Variants in FOCAD observed in about 807,000 individuals in gnomAD.
The protein encoded by FOCAD is KIAA1797.
FOCAD carries 198 observed loss-of-function variants against 225.6 expected under a neutral mutation model. The observed-to-expected ratio is 0.88, with a 90% CI of 0.78 to 0.99. The LOEUF is 0.99. Ranked by LOEUF, FOCAD falls within the 50% of genes least tolerant of loss-of-function variation. FOCAD has a pLI of 0.00. For missense variants in FOCAD, 2,713 were observed against 2,123.6 expected (o/e 1.28, Z -5.46); for synonymous variants, 897 against 755.0 (o/e 1.19, Z -3.08).
intron 4 of FOCAD, among the ~76,000 whole-genome samples, chr9:20,739,280 C>G (rs1176258675): frequency 1.3e-5 from 2 of 152,180 alleles, no homozygotes; most frequent in Admixed American, 6.5e-5. Context: ...TGGTAATGCT[C>G]AATAAATGTT....
intron 11 of FOCAD, among the ~76,000 whole-genome samples, chr9:20,806,261 A>G (rs916647475): frequency 2.6e-5 from 4 of 152,210 alleles, no homozygotes; most frequent in East Asian, 1.9e-4. Context: ...AAATTATTCT[A>G]TATGAAGTAT....
intron 21 of FOCAD, among the ~76,000 whole-genome samples, chr9:20,898,259 C>A (rs1832270548): frequency 6.6e-6 from 1 of 151,480 alleles, no homozygotes; most frequent in Non-Finnish European, 1.5e-5. Context: ...CCTCCTATAA[C>A]TGTGGTTTGA....
At chr9:20,903,063 C>T (rs1832683308) in intron 21 of FOCAD, among the ~76,000 whole-genome samples, 1 of 151,770 alleles carries the variant, frequency 6.6e-6, no homozygotes. Context: ...TGCACACATT[C>T]CTCCAACCAG....
rs1402371544 is a variant in FOCAD, at chr9:20,751,223, A to G, written c.393-6867A>G. Among the ~76,000 whole-genome samples, 4 of 150,094 alleles carry G rather than the reference A, an allele frequency of 2.7e-5. No homozygotes were observed. In the South Asian group the frequency reaches 6.3e-4, roughly 24 times the overall value. ...TATGCACAATGTGCAGGTTAGTTAC[A>G]TATGTATACCTGTGCCATGCTGGTG... On this transcript the variant is annotated intron_variant, in intron 5 of 43. Coordinates refer to ENST00000338382, the MANE Select transcript of FOCAD (RefSeq NM_001375567.1).
At chr9:20,806,934 C>G (rs1822522941) in intron 11 of FOCAD, among the ~76,000 whole-genome samples, 1 of 152,120 alleles carries the variant, frequency 6.6e-6, no homozygotes, top group African/African-American at 2.4e-5. Flanking sequence ...GTTGTGTAAA[C>G]CTTCTGCATA....
chr9:20,680,692 C>T (rs151285872), upstream of FOCAD, among the ~76,000 whole-genome samples: 3 of 152,216 alleles, frequency 2.0e-5, no homozygotes, highest in African/African-American at 4.8e-5. Flanking sequence ...AGCAGCTAGC[C>T]ATGGTGGCTT....
chr9:20,723,846 G>A (rs1825988037), intron 4 of FOCAD, among the ~76,000 whole-genome samples: 1 of 152,076 alleles, frequency 6.6e-6, no homozygotes. Flanking sequence ...GTTTATTTTG[G>A]CTTACAGTTC....
intron 15 of FOCAD, among the ~76,000 whole-genome samples, chr9:20,829,729 G>C (rs1252982839): frequency 6.6e-6 from 1 of 152,096 alleles, no homozygotes. Flanking sequence ...GGAGAGATCA[G>C]ATGAACATAT....
chr9:20,952,376 A>T (rs1354859932), intron 34 of FOCAD: 1 of 152,202 alleles, frequency 6.6e-6, no homozygotes, highest in Non-Finnish European at 1.5e-5. Flanking sequence ...CTCATGAAAC[A>T]ATTATGGGAA....
At chr9:20,733,625 C>T (rs981517243) in intron 4 of FOCAD, among the ~76,000 whole-genome samples, 8 of 152,102 alleles carry the variant, frequency 5.3e-5, no homozygotes, top group East Asian at 3.9e-4. Context: ...TTTGTCCTTG[C>T]GATAGTTTAC....
intron 7 of FOCAD, among the ~76,000 whole-genome samples, chr9:20,768,676 A>G (rs925394499): frequency 6.6e-5 from 10 of 152,202 alleles, no homozygotes; most frequent in African/African-American, 2.2e-4. Flanking sequence ...TTAAAATACA[A>G]GCTTTAGAAA....
In FOCAD at chr9:20,951,054, A is replaced by T; in HGVS notation, c.4007A>T (p.His1336Leu). ...TCAAATGCAGTCTGGCTTCTTGGAC[A>T]TCTTCATCTATCTACTCTATCCTCA... is the stretch of plus-strand genomic sequence containing the variant. ...LQSNAVWLLG[H>L]LHLSTLSSSQ... Residue 1336 changes from histidine (H) to leucine (L), a missense_variant, in exon 34 of 44, where the codon CAT (histidine) becomes CTT (leucine). Transcript: ENST00000338382. The T allele has an allele frequency of 6.2e-7, 1 of 1,613,630 alleles. No individual in the cohort carries two copies. Among genetic ancestry groups the T allele is most frequent in the Non-Finnish European group, 8.5e-7 (1 of 1,179,648 alleles).
At chr9:20,937,937 C>T (rs550366331) in intron 28 of FOCAD, among the ~76,000 whole-genome samples, 131 of 152,280 alleles carry the variant, frequency 8.6e-4, no homozygotes, top group Middle Eastern at 3.4e-3. Flanking sequence ...ACAGACACTT[C>T]TCAAAAGAAG....
chr9:20,856,970 A>G (rs1828248687), intron 15 of FOCAD, among the ~76,000 whole-genome samples: 1 of 136,430 alleles, frequency 7.3e-6, no homozygotes, highest in East Asian at 2.2e-4. Context: ...TGCCAATACC[A>G]TGCTGTTTTG....
At chr9:20,930,080 CT>C (rs1269114773) in intron 27 of FOCAD, among the ~76,000 whole-genome samples, 4 of 152,082 alleles carry the variant, frequency 2.6e-5, no homozygotes, top group African/African-American at 9.7e-5. Context: ...TTAAATATTG[CT>C]TTTTTTCCTG....
intron 35 of FOCAD, among the ~76,000 whole-genome samples, chr9:20,975,971 A>G (rs1468991479): frequency 3.9e-5 from 6 of 152,206 alleles, no homozygotes; most frequent in African/African-American, 1.4e-4. Flanking sequence ...ATAAGTTCAA[A>G]TACGGGGAAT....
chr9:20,738,503 G>A (rs955323369), intron 4 of FOCAD, among the ~76,000 whole-genome samples: 1 of 152,182 alleles, frequency 6.6e-6, no homozygotes, highest in Non-Finnish European at 1.5e-5. Context: ...GCTTCATGAA[G>A]TGTTGGGACC....
At chr9:20,734,006 A>G (rs1284378257) in intron 4 of FOCAD, among the ~76,000 whole-genome samples, 1 of 152,176 alleles carries the variant, frequency 6.6e-6, no homozygotes, top group Non-Finnish European at 1.5e-5. Context: ...GCAAGACCCT[A>G]TCTCAAAAAA....
Position 20,758,104 on chromosome 9 carries a change from C to G in FOCAD, c.407C>G (p.Pro136Arg), listed in dbSNP as rs760035336. 1.4e-5 allele frequency: 22 copies of G among 1,606,684 alleles called. No homozygotes were observed. The highest frequency in any genetic ancestry group is 1.9e-5 in the Non-Finnish European group (22 of 1,177,564). The change falls in exon 6 of 44, where the codon CCT becomes CGT. Residue 136 changes from proline to arginine, a missense_variant. Pro to Arg is a moderately radical substitution (Grantham distance 103). Transcript: ENST00000338382. ...SIYTIRNHPH[P>R]LITVLEHRPD... ...GTGTCTTTCAGAAATCATCCTCATCCTTTGATAACTGTGCTTGAACACAGA... is the reference window on the plus strand; with the variant it reads ...GTGTCTTTCAGAAATCATCCTCATCGTTTGATAACTGTGCTTGAACACAGA...
Sources: allele counts gnomAD v4.1 joint callset (sites outside exome capture counted in the v4.1 genomes callset), GRCh38; gene constraint gnomAD v4.1.1; transcripts MANE v1.5; gene names NCBI Gene and HGNC (gene_info 2026-07-23, HGNC 2026-07-21).